Variants in ADGRL3 observed in about 807,000 individuals in gnomAD.
ADGRL3 encodes calcium-independent alpha-latrotoxin receptor 3.
Under a neutral mutation model 153.5 loss-of-function variants are expected in ADGRL3, and 62 were observed. That is an observed-to-expected ratio of 0.40 (90% CI 0.33 to 0.50). The LOEUF (loss-of-function observed/expected upper bound fraction) is 0.50. Ranked by LOEUF, ADGRL3 falls within the 20% of genes least tolerant of loss-of-function variation. The pLI is 0.47. For missense variants in ADGRL3, 1,641 were observed against 1,859.4 expected (o/e 0.88, Z 2.16); for synonymous variants, 710 against 672.5 (o/e 1.06, Z -0.86).
At chr4:61,238,442 G>GGTGTGTGTGT (rs3065319) in intron 1 of ADGRL3, among the ~76,000 whole-genome samples, 30 of 147,552 alleles carry the variant, frequency 2.0e-4, no homozygotes, top group African/African-American at 6.2e-4. Context: ...TCTAATGTGT[G>GGTGTGTGTGT]GTGTGTGTGT....
At chr4:61,716,587 A>G (rs985937922) in intron 6 of ADGRL3, among the ~76,000 whole-genome samples, 1 of 152,192 alleles carries the variant, frequency 6.6e-6, no homozygotes, top group East Asian at 1.9e-4. Flanking sequence ...TACATTAGCT[A>G]TAAAACAGAA....
intron 8 of ADGRL3, among the ~76,000 whole-genome samples, chr4:61,767,093 G>C (rs1477284520): frequency 6.6e-6 from 1 of 151,836 alleles, no homozygotes. Context: ...GATGGTAAGG[G>C]GTGCATGATT....
chr4:61,936,670 T>A (rs1356746650), intron 15 of ADGRL3, among the ~76,000 whole-genome samples: 1 of 151,964 alleles, frequency 6.6e-6, no homozygotes, highest in African/African-American at 2.4e-5. Flanking sequence ...TCTGTATGTG[T>A]GTATATATGT....
In ADGRL3 at chr4:62,041,297, C is replaced by A. The variant is rs534347434; in HGVS notation, c.3718-3156C>A. 8.5e-5 allele frequency among the ~76,000 whole-genome samples: 13 copies of A among 152,148 alleles called. No individual in the cohort carries two copies. In the South Asian group the frequency reaches 2.1e-3, roughly 24 times the overall value. On this transcript the variant is annotated intron_variant, in intron 24 of 26. Transcript: ENST00000683033. ...AGTTTTATAATATGCATCAGTCACACAAACATATATTCACAGAAATGGGTG... is the reference window on the plus strand; with the variant it reads ...AGTTTTATAATATGCATCAGTCACAAAAACATATATTCACAGAAATGGGTG...
chr4:61,817,250 G>A (rs1224653589), intron 9 of ADGRL3, among the ~76,000 whole-genome samples: 5 of 151,864 alleles, frequency 3.3e-5, no homozygotes, highest in Admixed American at 6.6e-5. Flanking sequence ...CCGGGTGTCC[G>A]GTTTAAACCC....
At chr4:61,421,994 A>G (rs966523895) in intron 2 of ADGRL3, among the ~76,000 whole-genome samples, 2 of 152,186 alleles carry the variant, frequency 1.3e-5, no homozygotes, top group African/African-American at 4.8e-5. Context: ...ACCCAATTCA[A>G]TACCACAAGT....
chr4:61,371,049 C>T (rs1473161724), intron 1 of ADGRL3, among the ~76,000 whole-genome samples: 1 of 151,028 alleles, frequency 6.6e-6, no homozygotes, highest in Non-Finnish European at 1.5e-5. Flanking sequence ...ACTAGGATTG[C>T]AACCCCTGCC....
At chr4:61,642,523 A>C (rs4315822) in intron 5 of ADGRL3, among the ~76,000 whole-genome samples, 120,352 of 152,008 alleles carry the variant, frequency 0.79, 47,841 homozygotes, top group South Asian at 0.86. Context: ...CAGTTTTCCC[A>C]GCACCATTTA....
At chr4:61,265,787 A>G (rs892633358) in intron 1 of ADGRL3, among the ~76,000 whole-genome samples, 1 of 151,894 alleles carries the variant, frequency 6.6e-6, no homozygotes, top group Non-Finnish European at 1.5e-5. Flanking sequence ...ACACAGTAAG[A>G]TAATGTGAAG....
intron 1 of ADGRL3, among the ~76,000 whole-genome samples, chr4:61,241,828 T>G (rs1755098416): frequency 6.6e-6 from 1 of 152,116 alleles, no homozygotes; most frequent in Non-Finnish European, 1.5e-5. Flanking sequence ...GAAATATATT[T>G]TATGTTTTAT....
chr4:61,793,939 G>GT (rs1313366122), intron 8 of ADGRL3, among the ~76,000 whole-genome samples: 1 of 152,028 alleles, frequency 6.6e-6, no homozygotes, highest in Non-Finnish European at 1.5e-5. Context: ...GTAACTTAAA[G>GT]TAAAATATAG....
chr4:61,720,030 A>C (rs1184176331), intron 6 of ADGRL3, among the ~76,000 whole-genome samples: 1 of 146,850 alleles, frequency 6.8e-6, no homozygotes, highest in Non-Finnish European at 1.5e-5. Context: ...TGTAATCTGA[A>C]AAGAGATCTT....
chr4:61,447,705 G>T (rs913268396), intron 2 of ADGRL3, among the ~76,000 whole-genome samples: 3 of 152,166 alleles, frequency 2.0e-5, no homozygotes, highest in African/African-American at 7.2e-5. Flanking sequence ...TTTGAAACAT[G>T]AGTTTTATTT....
chr4:61,992,580 G>A (rs1308211102), intron 19 of ADGRL3, among the ~76,000 whole-genome samples: 2 of 152,196 alleles, frequency 1.3e-5, no homozygotes, highest in Non-Finnish European at 2.9e-5. Context: ...TTGCCACACA[G>A]CCTTCCAGAA....
intron 9 of ADGRL3, among the ~76,000 whole-genome samples, chr4:61,846,089 A>G (rs1328196625): frequency 1.3e-5 from 2 of 152,008 alleles, no homozygotes; most frequent in Non-Finnish European, 2.9e-5. Context: ...CCACGGTGGG[A>G]GGATCTCTTA....
chr4:61,619,176 A>G (rs2092307086), intron 5 of ADGRL3, among the ~76,000 whole-genome samples: 1 of 152,180 alleles, frequency 6.6e-6, no homozygotes, highest in Non-Finnish European at 1.5e-5. Flanking sequence ...AACAGAGTAT[A>G]CAGTAGGACA....
chr4:61,711,468 A>ATATATATATATATATG (rs2095984951), intron 6 of ADGRL3, among the ~76,000 whole-genome samples: 1 of 87,766 alleles, frequency 1.1e-5, no homozygotes, highest in Non-Finnish European at 2.3e-5. Context: ...TTATATATAT[A>ATATATATATATATATG]TATATATATA....
chr4:61,258,019 C>A (rs1210973399), intron 1 of ADGRL3, among the ~76,000 whole-genome samples: 1 of 152,142 alleles, frequency 6.6e-6, no homozygotes, highest in Non-Finnish European at 1.5e-5. Flanking sequence ...GTCTGTCTTC[C>A]TTTAGCTACT....
At chr4:61,280,134 G>A (rs1307522931) in intron 1 of ADGRL3, among the ~76,000 whole-genome samples, 5 of 130,992 alleles carry the variant, frequency 3.8e-5, no homozygotes, top group African/African-American at 1.2e-4. Context: ...TTTTGAGACC[G>A]AGTCTCGCTC....
Sources: gnomAD v4.1 joint callset for allele counts (sites outside exome capture counted in the v4.1 genomes callset) on GRCh38, gnomAD v4.1.1 for gene constraint, MANE v1.5 for transcripts, NCBI Gene and HGNC (gene_info 2026-07-23, HGNC 2026-07-21) for gene names.